Variants in KDSR observed in about 807,000 individuals in gnomAD.
KDSR encodes the protein 3-dehydrosphinganine reductase.
In KDSR, 23 loss-of-function variants were observed where a neutral mutation model predicts 41.3. The observed-to-expected ratio is 0.56, with a 90% CI of 0.40 to 0.79. KDSR has a LOEUF of 0.79. KDSR is among the 30% of genes least tolerant of loss of function. The probability of loss-of-function intolerance (pLI) is 0.00; values close to 1 mark genes in which losing one functional copy is unlikely to be tolerated. For synonymous variants in KDSR, 138 were observed against 151.7 expected (o/e 0.91, Z 0.66); for missense variants, 351 against 416.8 (o/e 0.84, Z 1.37).
intron 3 of KDSR, 76 bp downstream of exon 3, chr18:63,359,660 G>A (rs1914906845): frequency 3.2e-6 from 3 of 932,038 alleles, no homozygotes; most frequent in African/African-American, 3.2e-5. Flanking sequence ...CTATTCACAG[G>A]TGAAGTAACT....
At position 63,338,963 on chromosome 18, in the gene KDSR, A is replaced by G; in HGVS notation, c.694-80T>C. 3 of 798,550 alleles carry G rather than the reference A, an allele frequency of 3.8e-6. No homozygotes were observed. In the South Asian group the frequency reaches 5.5e-5, roughly 15 times the overall value. 49.5% of individuals were successfully genotyped at this position (798,550 alleles called of 1,614,324 possible). On this transcript the variant is annotated intron_variant, in intron 7 of 9. Coordinates refer to ENST00000645214, the MANE Select transcript of KDSR (RefSeq NM_002035.4). Reference sequence around the variant, plus strand: ...AATAAATTATTCTTACAGCCTCCTGATTTACAAATAATTCCAATTTTCTAC... The same window carrying G: ...AATAAATTATTCTTACAGCCTCCTGGTTTACAAATAATTCCAATTTTCTAC...
intron 3 of KDSR, 31 bp downstream of exon 3, chr18:63,359,705 C>T: frequency 6.9e-7 from 1 of 1,446,596 alleles, no homozygotes; most frequent in Non-Finnish European, 9.7e-7. Flanking sequence ...CTGAGTTATA[C>T]AGAAAATGCA....
chr18:63,332,764 A>G (rs1240232806), intron 9 of KDSR, among the ~76,000 whole-genome samples: 1 of 148,088 alleles, frequency 6.8e-6, no homozygotes, highest in Non-Finnish European at 1.5e-5. Context: ...CCCAGGAGGC[A>G]GAGCGTGCAG....
chr18:63,366,941 T>A, intron 1 of KDSR, 70 bp downstream of exon 1: 1 of 772,186 alleles, frequency 1.3e-6, no homozygotes, highest in Non-Finnish European at 1.8e-6. Flanking sequence ...GGACGTAGGC[T>A]ACGCGGCCTC....
At chr18:63,335,534 A>C (rs932828829) in intron 8 of KDSR, 176 bp from the exon 9 acceptor site, 1 of 574,758 alleles carries the variant, frequency 1.7e-6, no homozygotes, top group African/African-American at 1.9e-5. Context: ...GCAGTTCTCA[A>C]CAAGTGAGTC....
At chr18:63,334,845 C>G (rs965795957) in intron 9 of KDSR, among the ~76,000 whole-genome samples, 22 of 152,194 alleles carry the variant, frequency 1.4e-4, no homozygotes, top group Admixed American at 1.2e-3. Flanking sequence ...CTAAATTTAG[C>G]TGTGTGTGAC....
chr18:63,353,329 A>G (rs1914709491), intron 5 of KDSR, among the ~76,000 whole-genome samples: 2 of 152,228 alleles, frequency 1.3e-5, no homozygotes, highest in Admixed American at 1.3e-4. Context: ...AAAGAAAATA[A>G]GAATAAAAAT....
Position 63,330,356 on chromosome 18 carries a change from G to T in KDSR, c.*1426C>A. On this transcript the variant is annotated 3_prime_UTR_variant, in exon 10 of 10. Coordinates refer to ENST00000645214, the MANE Select transcript of KDSR (RefSeq NM_002035.4). ...GACAGGTTACAAGATCAAGGTGAAG[G>T]CAGCTCTCCTCAAGTCAGAGGAGTG... The T allele has an allele frequency of 4.4e-6, 1 of 226,286 alleles. No individual in the cohort carries two copies. The highest frequency in any genetic ancestry group is 2.2e-5 in the African/African-American group (1 of 45,102). 14.0% of individuals were successfully genotyped at this position (226,286 alleles called of 1,614,324 possible).
chr18:63,342,381 G>A lies in KDSR; in HGVS notation c.693+2029C>T, dbSNP rs1338736847. Among the ~76,000 whole-genome samples, 9 of 152,072 alleles carry A rather than the reference G, an allele frequency of 5.9e-5. No individual in the cohort carries two copies. The East Asian group carries it at 1.7e-3, about 29-fold the overall frequency. On this transcript the variant is annotated intron_variant, in intron 7 of 9. Transcript: ENST00000645214. ...AACGTGCAGTGTGAGGTGAAGACAA[G>A]TCCTGACACCACCGCTGGGTGGCAG...
intron 9 of KDSR, among the ~76,000 whole-genome samples, chr18:63,332,171 GT>G (rs1273327391): frequency 6.6e-6 from 1 of 152,132 alleles, no homozygotes; most frequent in Non-Finnish European, 1.5e-5. Flanking sequence ...CAGTCTTAGG[GT>G]TATAATAGCT....
intron 7 of KDSR, among the ~76,000 whole-genome samples, chr18:63,343,757 A>C (rs1437015719): frequency 6.6e-6 from 1 of 151,938 alleles, no homozygotes; most frequent in African/African-American, 2.4e-5. Context: ...AAAAAAAAAA[A>C]AGCAGTATAA....
intron 2 of KDSR, 100 bp downstream of exon 2, chr18:63,362,679 A>C: frequency 1.3e-6 from 1 of 748,160 alleles, no homozygotes. Flanking sequence ...TCAAGGAAGA[A>C]GCGCTTTCTA....
chr18:63,362,410 C>T (rs910248720), intron 2 of KDSR, among the ~76,000 whole-genome samples: 23 of 152,234 alleles, frequency 1.5e-4, no homozygotes, highest in African/African-American at 4.3e-4. Flanking sequence ...CACCTACACA[C>T]CTTCAGGTAT....
chr18:63,339,267 G>C (rs1053766784), intron 7 of KDSR, among the ~76,000 whole-genome samples: 8 of 152,074 alleles, frequency 5.3e-5, no homozygotes, highest in Admixed American at 3.9e-4. Context: ...CCTGTGTCCA[G>C]AGCAAGCCTG....
Position 63,328,174 on chromosome 18 carries a change from A to C in KDSR, c.*3608T>G, listed in dbSNP as rs773285725. Reference sequence around the variant, plus strand: ...ACCTGATGTAATTAAATGTTTATGTAATTTAGCAAAAATATATATATAATT... The same window carrying C: ...ACCTGATGTAATTAAATGTTTATGTCATTTAGCAAAAATATATATATAATT... On this transcript the variant is annotated 3_prime_UTR_variant, in exon 10 of 10. Coordinates refer to ENST00000645214, the MANE Select transcript of KDSR (RefSeq NM_002035.4). 9 of 183,254 alleles carry C rather than the reference A, an allele frequency of 4.9e-5. No homozygotes were observed. Among genetic ancestry groups the C allele is most frequent in the Non-Finnish European group, 9.3e-5 (8 of 86,218 alleles). 11.4% of individuals were successfully genotyped at this position (183,254 alleles called of 1,614,324 possible). A position where few individuals can be genotyped will look rare whatever the true frequency, so the allele number is the denominator to read the frequency against.
chr18:63,362,207 G>A (rs1404893124), intron 2 of KDSR, among the ~76,000 whole-genome samples: 1 of 152,208 alleles, frequency 6.6e-6, no homozygotes, highest in Non-Finnish European at 1.5e-5. Flanking sequence ...ACTGCTTTGT[G>A]CTCTAAAAAC....
chr18:63,361,539 A>G (rs574801349), intron 2 of KDSR, among the ~76,000 whole-genome samples: 54 of 152,026 alleles, frequency 3.6e-4, no homozygotes, highest in African/African-American at 1.0e-3. Context: ...CGTCCAGGCC[A>G]GGTGTGGTGG....
rs1218030818 is a variant in KDSR at position 63,354,314 on chromosome 18, C to CA, written c.417+889dup. ...TCAGCGACAGAGCAAGACTCTGTCT[C>CA]AAAAAAAAGGAAGAAAAAGATTGTT... On this transcript the variant is annotated intron_variant, in intron 5 of 9. Coordinates refer to ENST00000645214, the MANE Select transcript of KDSR (RefSeq NM_002035.4). Among the ~76,000 whole-genome samples, 21 of 150,826 alleles carry CA rather than the reference C, an allele frequency of 1.4e-4. No individual in the cohort carries two copies. The South Asian group carries it at 3.6e-3, about 26-fold the overall frequency.
intron 7 of KDSR, among the ~76,000 whole-genome samples, chr18:63,340,836 T>A (rs543531721): frequency 6.6e-6 from 1 of 152,242 alleles, no homozygotes; most frequent in African/African-American, 2.4e-5. Flanking sequence ...TAAGGCACTT[T>A]GTAGAAACAG....
Sources: allele counts gnomAD v4.1 joint callset (sites outside exome capture counted in the v4.1 genomes callset), GRCh38; gene constraint gnomAD v4.1.1; transcripts MANE v1.5; gene names NCBI Gene and HGNC (gene_info 2026-07-23, HGNC 2026-07-21).